The following SNX6 variants were observed in gnomAD, a reference collection of about 807,000 sequenced individuals.
The protein encoded by SNX6 is sorting nexin-6.
A neutral mutation model predicts 63.0 loss-of-function variants in SNX6; 34 were observed. The observed-to-expected ratio is 0.54, with a 90% CI of 0.41 to 0.72. The LOEUF (loss-of-function observed/expected upper bound fraction) is 0.72, where lower values mean the gene tolerates loss of function less well. Ranked by LOEUF, SNX6 falls within the 30% of genes least tolerant of loss-of-function variation. SNX6 has a pLI of 0.00. For synonymous variants in SNX6, 170 were observed against 164.2 expected (o/e 1.04, Z -0.27); for missense variants, 398 against 471.4 (o/e 0.84, Z 1.44).
chr14:34,584,552 A>C (rs1235906106), intron 9 of SNX6, among the ~76,000 whole-genome samples: 5 of 152,028 alleles, frequency 3.3e-5, no homozygotes, highest in Non-Finnish European at 7.4e-5. Flanking sequence ...TGGCAGAATC[A>C]ATTTCACCTT....
At chr14:34,582,999 A>C (rs1479634242) in intron 9 of SNX6, among the ~76,000 whole-genome samples, 1 of 151,340 alleles carries the variant, frequency 6.6e-6, no homozygotes, top group Non-Finnish European at 1.5e-5. Flanking sequence ...CCTGTAATTA[A>C]ACTACCCTTT....
intron 6 of SNX6, among the ~76,000 whole-genome samples, chr14:34,602,127 T>C (rs1161820190): frequency 6.6e-6 from 1 of 151,058 alleles, no homozygotes; most frequent in Non-Finnish European, 1.5e-5. Context: ...CCATCTCTAC[T>C]AAAAATACAA....
chr14:34,604,131 A>T, intron 5 of SNX6: 1 of 1,269,012 alleles, frequency 7.9e-7, no homozygotes, highest in Non-Finnish European at 1.0e-6. Context: ...TAAGTTTTAC[A>T]TACCAGCAAA....
chr14:34,577,213 G>A (rs1280974446), intron 10 of SNX6, among the ~76,000 whole-genome samples: 1 of 152,024 alleles, frequency 6.6e-6, no homozygotes. Context: ...CTCCCTAGTA[G>A]CTGGGATTAC....
intron 8 of SNX6, among the ~76,000 whole-genome samples, chr14:34,589,754 C>T (rs1316852389): frequency 2.0e-5 from 3 of 151,452 alleles, no homozygotes; most frequent in South Asian, 4.2e-4. Flanking sequence ...ACCCACGAGA[C>T]GGGGGTGGGG....
chr14:34,604,148 G>A, intron 5 of SNX6: 1 of 1,280,450 alleles, frequency 7.8e-7, no homozygotes, highest in Non-Finnish European at 1.0e-6. Flanking sequence ...CAAACCAGCA[G>A]GACCAATGAT....
At chr14:34,597,944 C>A (rs1010177864) in intron 6 of SNX6, among the ~76,000 whole-genome samples, 1 of 152,108 alleles carries the variant, frequency 6.6e-6, no homozygotes, top group Admixed American at 6.6e-5. Flanking sequence ...AGCCCTCTCA[C>A]CATATTTTGT....
At chr14:34,601,581 A>G (rs1289557850) in intron 6 of SNX6, among the ~76,000 whole-genome samples, 1 of 150,726 alleles carries the variant, frequency 6.6e-6, no homozygotes, top group African/African-American at 2.4e-5. Context: ...CCCTTGTAGT[A>G]ACATGATTTA....
chr14:34,570,725 CTTT>C (rs35102326), intron 11 of SNX6, among the ~76,000 whole-genome samples: 8 of 114,340 alleles, frequency 7.0e-5, no homozygotes, highest in Admixed American at 2.1e-4. Context: ...CTGGCCTTCT[CTTT>C]TTTTTTTTTT....
In SNX6 at chr14:34,608,098, G is replaced by T; in HGVS notation, c.202C>A (p.Arg68=). ...AGCCAGATAAATTCCTCATGTTGCC[G>T]AACAACTGAAAACTCGTTTTGTTTA... The part of the protein sequence containing the change: ...NFKQNEFSVV[R]QHEEFIWLHD... The change falls in exon 4 of 14, where the codon CGG becomes AGG. Residue 68 remains arginine (R), a synonymous_variant. Coordinates refer to ENST00000362031, the MANE Select transcript of SNX6 (RefSeq NM_152233.4). 5 of 1,609,496 alleles carry T rather than the reference G, an allele frequency of 3.1e-6. No individual in the cohort carries two copies. Among genetic ancestry groups the T allele is most frequent in the South Asian group, 1.1e-5 (1 of 90,420 alleles).
At chr14:34,598,080 T>C (rs1882670259) in intron 6 of SNX6, among the ~76,000 whole-genome samples, 2 of 152,266 alleles carry the variant, frequency 1.3e-5, no homozygotes, top group African/African-American at 4.8e-5. Flanking sequence ...TGAATATATA[T>C]CCTATACATT....
intron 2 of SNX6, among the ~76,000 whole-genome samples, chr14:34,622,813 G>A (rs566981679): frequency 6.6e-5 from 10 of 152,212 alleles, no homozygotes; most frequent in African/African-American, 1.9e-4. Context: ...AGCTCCTACC[G>A]GCTGTATGAC....
chr14:34,565,688 T>C (rs1447418209), intron 13 of SNX6, among the ~76,000 whole-genome samples: 1 of 149,290 alleles, frequency 6.7e-6, no homozygotes, highest in Non-Finnish European at 1.5e-5. Flanking sequence ...GGCTGATTTT[T>C]TTTTTTTCTT....
At chr14:34,596,094 C>T (rs1882585539) in intron 7 of SNX6, among the ~76,000 whole-genome samples, 2 of 151,738 alleles carry the variant, frequency 1.3e-5, no homozygotes, top group African/African-American at 4.8e-5. Context: ...ATGGCGGGCA[C>T]CTGTAGTCCC....
chr14:34,587,124 C>A lies in SNX6; in HGVS notation c.719-819G>T, dbSNP rs1230289951. The stretch of plus-strand genomic sequence containing the variant: ...TCCTAAGGAATCTACAAAATAATTA[C>A]TAGAACTAATAAGTGAGTTTATTTA... On this transcript the variant is annotated intron_variant, in intron 8 of 13. Coordinates refer to ENST00000362031, the MANE Select transcript of SNX6 (RefSeq NM_152233.4). 4.7e-5 allele frequency among the ~76,000 whole-genome samples: 7 copies of A among 149,798 alleles called. No homozygotes were observed. The Admixed American group carries it at 4.7e-4, about 10-fold the overall frequency.
At position 34,630,095 on chromosome 14, in the gene SNX6, C is replaced by A; in HGVS notation, c.6+16G>T. On this transcript the variant is annotated intron_variant, in intron 1 of 13. Coordinates refer to ENST00000362031, the MANE Select transcript of SNX6 (RefSeq NM_152233.4). ...CCACCGCGCTCCCGGGACTCGGCGCCGCGGAGAACACCCACCATCATGGCT... is the reference window on the plus strand; with the variant it reads ...CCACCGCGCTCCCGGGACTCGGCGCAGCGGAGAACACCCACCATCATGGCT... The A allele has an allele frequency of 1.4e-6, 2 of 1,447,232 alleles. No individual in the cohort carries two copies. The highest frequency in any genetic ancestry group is 1.8e-6 in the Non-Finnish European group (2 of 1,110,468). 89.6% of individuals were successfully genotyped at this position (1,447,232 alleles called of 1,614,324 possible).
chr14:34,608,390 T>A (rs1165948013), intron 3 of SNX6, among the ~76,000 whole-genome samples: 1 of 152,142 alleles, frequency 6.6e-6, no homozygotes, highest in Non-Finnish European at 1.5e-5. Flanking sequence ...CTTGAACTCT[T>A]GGACTCAAGC....
At chr14:34,615,501 C>T (rs1424630823) in intron 2 of SNX6, among the ~76,000 whole-genome samples, 4 of 152,134 alleles carry the variant, frequency 2.6e-5, no homozygotes, top group Non-Finnish European at 2.9e-5. Flanking sequence ...GGATTATAGG[C>T]GTAAGCCACC....
intron 2 of SNX6, among the ~76,000 whole-genome samples, chr14:34,611,433 T>C (rs1240962344): frequency 6.7e-6 from 1 of 149,806 alleles, no homozygotes; most frequent in African/African-American, 2.5e-5. Context: ...GCTGAAATCA[T>C]GCCACTTCAC....
Sources: gnomAD v4.1 joint callset for allele counts (sites outside exome capture counted in the v4.1 genomes callset) on GRCh38, gnomAD v4.1.1 for gene constraint, MANE v1.5 for transcripts, NCBI Gene and HGNC (gene_info 2026-07-23, HGNC 2026-07-21) for gene names.